Variants in AKAIN1 observed in about 807,000 individuals in gnomAD.
AKAIN1 encodes A-kinase anchor inhibitor 1.
A neutral mutation model predicts 3.7 loss-of-function variants in AKAIN1; 3 were observed. The ratio of observed to expected loss-of-function variants is 0.82; its 90% CI spans 0.37 to 2.12. The LOEUF is 2.12. AKAIN1 is among the 30% of genes most tolerant of loss of function. The pLI is 0.06. For synonymous variants in AKAIN1, 31 were observed against 30.8 expected, an observed-to-expected ratio of 1.01 and a Z score of -0.02; for missense variants, 82 against 82.7, an observed-to-expected ratio of 0.99 and a Z score of 0.03.
chr18:5,161,548 C>T (rs901614375), intron 1 of AKAIN1, among the ~76,000 whole-genome samples: 7 of 152,032 alleles, frequency 4.6e-5, no homozygotes, highest in African/African-American at 1.7e-4. Flanking sequence ...CCTTTCTATG[C>T]TGGTTGGAGC....
chr18:5,179,827 A>G (rs994931330), intron 1 of AKAIN1, among the ~76,000 whole-genome samples: 3 of 152,092 alleles, frequency 2.0e-5, no homozygotes, highest in African/African-American at 7.2e-5. Context: ...GGACATCTTT[A>G]TTGTTGTTTA....
At chr18:5,170,217 G>C (rs1475382983) in intron 1 of AKAIN1, among the ~76,000 whole-genome samples, 1 of 152,126 alleles carries the variant, frequency 6.6e-6, no homozygotes, top group South Asian at 2.1e-4. Flanking sequence ...CCAAGTAAGA[G>C]GAAAGACTCA....
At chr18:5,182,741 G>T (rs1462443407) in intron 1 of AKAIN1, among the ~76,000 whole-genome samples, 12 of 152,066 alleles carry the variant, frequency 7.9e-5, no homozygotes, top group Admixed American at 7.9e-4. Flanking sequence ...AAAGCACGGT[G>T]TGAATTTATT....
chr18:5,197,420 C>T (rs1273449335), upstream of AKAIN1: 11 of 1,261,760 alleles, frequency 8.7e-6, no homozygotes, highest in Non-Finnish European at 2.0e-6. This position sits in a 1 kb window ranked among gnomAD's most constrained non-coding sequence, Gnocchi z 6.9. Flanking sequence ...GGTAAACTTC[C>T]CGGCAGGGGA....
intron 1 of AKAIN1, among the ~76,000 whole-genome samples, chr18:5,182,599 A>G (rs1249113286): frequency 6.6e-6 from 1 of 152,128 alleles, no homozygotes; most frequent in Non-Finnish European, 1.5e-5. Flanking sequence ...TTGAATTGCT[A>G]TGGAATAACT....
At chr18:5,188,337 G>A (rs2071299171) in intron 1 of AKAIN1, among the ~76,000 whole-genome samples, 1 of 152,128 alleles carries the variant, frequency 6.6e-6, no homozygotes, top group Admixed American at 6.5e-5. Flanking sequence ...CCCTACTGAG[G>A]AATTCTATGG....
chr18:5,151,681 C>CT, intron 1 of AKAIN1, among the ~76,000 whole-genome samples: 1 of 152,216 alleles, frequency 6.6e-6, no homozygotes, highest in African/African-American at 2.4e-5. Flanking sequence ...ACCCCTGACT[C>CT]TACCTACAAT....
intron 1 of AKAIN1, chr18:5,170,764 G>A (rs1364184568): frequency 6.6e-6 from 1 of 152,080 alleles, no homozygotes; most frequent in East Asian, 1.9e-4. Context: ...GAATATGGTA[G>A]AAGAAAAATG....
chr18:5,182,334 A>T (rs538015575), intron 1 of AKAIN1, among the ~76,000 whole-genome samples: 3 of 152,048 alleles, frequency 2.0e-5, no homozygotes, highest in Non-Finnish European at 2.9e-5. Context: ...ATTATTAGTT[A>T]TTCCTCTTTA....
At chr18:5,162,015 C>A (rs896992974) in intron 1 of AKAIN1, among the ~76,000 whole-genome samples, 4 of 152,002 alleles carry the variant, frequency 2.6e-5, no homozygotes, top group African/African-American at 9.7e-5. Flanking sequence ...TACCACAGAC[C>A]AAAAACAATT....
intron 1 of AKAIN1, among the ~76,000 whole-genome samples, chr18:5,185,485 TAAAC>T (rs2071281891): frequency 6.6e-6 from 1 of 151,910 alleles, no homozygotes; most frequent in Non-Finnish European, 1.5e-5. Flanking sequence ...ACAAGGAACT[TAAAC>T]AAATTCACAA....
chr18:5,162,143 A>G (rs8092774), intron 1 of AKAIN1, among the ~76,000 whole-genome samples: 2,953 of 152,176 alleles, frequency 0.019, 86 homozygotes, highest in East Asian at 0.11. Flanking sequence ...ATAACAAATG[A>G]TACAGTTGCA....
In AKAIN1 at chr18:5,147,903, G is replaced by C. The variant is rs146105202; in HGVS notation, c.17-2148C>G. Reference sequence around the variant, plus strand: ...ATTTTTCTATATGAAGAGTCACGAAGGCATAGCTATCAAGAATATGTGTTT... The same window carrying C: ...ATTTTTCTATATGAAGAGTCACGAACGCATAGCTATCAAGAATATGTGTTT... On this transcript the variant is annotated intron_variant, in intron 1 of 1. Coordinates refer to ENST00000434239, the MANE Select transcript of AKAIN1 (RefSeq NM_001145194.2). Among the ~76,000 whole-genome samples, 330 of 152,318 alleles carry C rather than the reference G, an allele frequency of 2.2e-3. 2 individuals are homozygous for C. The highest frequency in any genetic ancestry group is 7.6e-3 in the African/African-American group (314 of 41,562).
chr18:5,171,509 C>A (rs536847655), intron 1 of AKAIN1, among the ~76,000 whole-genome samples: 1 of 152,100 alleles, frequency 6.6e-6, no homozygotes, highest in South Asian at 2.1e-4. Context: ...ATCTAATAAT[C>A]CAATAAAAAA....
intron 1 of AKAIN1, among the ~76,000 whole-genome samples, chr18:5,192,959 C>T (rs1258898960): frequency 9.2e-5 from 14 of 152,084 alleles, no homozygotes; most frequent in Admixed American, 9.2e-4. Flanking sequence ...TAAAATAATA[C>T]ATAAATAGAA....
At chr18:5,173,281 T>C (rs181692764) in intron 1 of AKAIN1, among the ~76,000 whole-genome samples, 29 of 152,308 alleles carry the variant, frequency 1.9e-4, no homozygotes, top group Non-Finnish European at 3.5e-4. Context: ...TTATTGGTGT[T>C]TTTTTGTATG....
intron 1 of AKAIN1, among the ~76,000 whole-genome samples, chr18:5,169,082 G>A (rs753266110): frequency 9.9e-5 from 15 of 151,996 alleles, no homozygotes; most frequent in Non-Finnish European, 2.2e-4. Context: ...CCAGGGAAGA[G>A]TTAACGTTGC....
At chr18:5,196,927 C>T in intron 1 of AKAIN1, 111 bp downstream of exon 1, 1 of 1,022,460 alleles carries the variant, frequency 9.8e-7, no homozygotes, top group Non-Finnish European at 1.5e-6. Flanking sequence ...GACAGTAACT[C>T]CGAAACGCGC....
At chr18:5,188,485 C>T (rs759310785) in intron 1 of AKAIN1, among the ~76,000 whole-genome samples, 24 of 152,010 alleles carry the variant, frequency 1.6e-4, no homozygotes, top group Non-Finnish European at 3.1e-4. Flanking sequence ...CCCCATTATG[C>T]TTTGCAACTC....
Sources: allele counts gnomAD v4.1 joint callset (sites outside exome capture counted in the v4.1 genomes callset), GRCh38; gene constraint gnomAD v4.1.1; non-coding constraint Gnocchi (gnomAD v3.1); transcripts MANE v1.5; gene names NCBI Gene and HGNC (gene_info 2026-07-23, HGNC 2026-07-21).